Variants in APBB1IP observed in about 807,000 individuals in gnomAD.
APBB1IP encodes the protein amyloid beta precursor protein binding family B member 1 interacting protein, also known as amyloid beta A4 precursor protein-binding family B member 1-interacting protein.
A neutral mutation model predicts 64.9 loss-of-function variants in APBB1IP; 27 were observed. That is an observed-to-expected ratio of 0.42 (90% CI 0.31 to 0.57). APBB1IP has a LOEUF of 0.57. Ranked by LOEUF, APBB1IP falls within the 20% of genes least tolerant of loss-of-function variation. The probability of loss-of-function intolerance (pLI) is 0.20; values close to 1 mark genes in which losing one functional copy is unlikely to be tolerated. For synonymous variants in APBB1IP, 392 were observed against 331.0 expected (o/e 1.18, Z -2.00); for missense variants, 812 against 845.5 (o/e 0.96, Z 0.49).
At chr10:26,466,125 T>G (rs1889686) in intron 2 of APBB1IP, among the ~76,000 whole-genome samples, 104,341 of 152,032 alleles carry the variant, frequency 0.69, 36,329 homozygotes, top group East Asian at 0.94. Flanking sequence ...TCACTCTCTT[T>G]CCTGGTCCCT....
Position 26,496,322 on chromosome 10 carries a change from C to G in APBB1IP, c.91C>G (p.Leu31Val), listed in dbSNP as rs898416599. Residue 31 changes from leucine to valine, a missense_variant, in exon 4 of 15, where the codon CTC (leucine) becomes GTC (valine). Physicochemically the swap from Leu to Val is conservative, Grantham distance 32. This residue lies in a region of APBB1IP where 394 missense variants were observed against 413.1 expected (regional missense o/e 0.95). Coordinates refer to ENST00000376236, the MANE Select transcript of APBB1IP (RefSeq NM_019043.4). The stretch of plus-strand genomic sequence containing the variant: ...TTCACAGAGTTTAGGAGTTGACACT[C>G]TCCCTCCTCCTGACCCTAATCCACC... ...LLTQSLGVDT[L>V]PPPDPNPPRA... The G allele has an allele frequency of 6.2e-7, 1 of 1,612,418 alleles. No individual in the cohort carries two copies. The highest frequency in any genetic ancestry group is 1.3e-5 in the African/African-American group (1 of 74,836).
chr10:26,536,289 T>C lies in APBB1IP; in HGVS notation c.1044+72T>C, dbSNP rs73594366. 1,738 of 1,475,768 alleles carry C rather than the reference T, an allele frequency of 1.2e-3. 26 individuals carry two copies. The African/African-American group carries it at 0.023, about 19-fold the overall frequency. The allele number at this position is 1,475,768 out of a possible 1,614,324, so 91.4% of individuals were successfully genotyped here. A position where few individuals can be genotyped will look rare whatever the true frequency, so the allele number is the denominator to read the frequency against. ...AGAATGAAACTAAAGAAATCCTTAG[T>C]TGGCAAGTTAAATACATTCTCTGTT... On this transcript the variant is annotated intron_variant, in intron 10 of 14. Coordinates refer to ENST00000376236, the MANE Select transcript of APBB1IP (RefSeq NM_019043.4).
intron 5 of APBB1IP, among the ~76,000 whole-genome samples, chr10:26,502,263 G>C (rs2132438545): frequency 6.6e-6 from 1 of 152,322 alleles, no homozygotes; most frequent in Admixed American, 6.5e-5. Flanking sequence ...AGAGCTTTGG[G>C]CTCATAAAAT....
intron 2 of APBB1IP, among the ~76,000 whole-genome samples, chr10:26,475,423 C>G (rs541443363): frequency 6.6e-4 from 101 of 152,068 alleles, no homozygotes; most frequent in African/African-American, 2.4e-3. Context: ...GCCTGGCCTT[C>G]CCTTGCTTTT....
At chr10:26,565,810 A>G (rs1837035608) in intron 14 of APBB1IP, among the ~76,000 whole-genome samples, 1 of 152,146 alleles carries the variant, frequency 6.6e-6, no homozygotes, top group South Asian at 2.1e-4. Context: ...GGAAGAGGAG[A>G]GAGTTGGGGA....
chr10:26,482,253 G>A (rs1232912225), intron 2 of APBB1IP, among the ~76,000 whole-genome samples: 3 of 152,126 alleles, frequency 2.0e-5, no homozygotes, highest in Non-Finnish European at 2.9e-5. Context: ...GTTCTCTGTT[G>A]AGTGAATTAT....
intron 9 of APBB1IP, among the ~76,000 whole-genome samples, chr10:26,534,507 C>T (rs537126903): frequency 1.3e-5 from 2 of 152,014 alleles, no homozygotes; most frequent in African/African-American, 2.4e-5. Context: ...CTGGTGATGC[C>T]CTCGGCATCC....
In APBB1IP at chr10:26,560,160, C is replaced by T. The variant is rs775177132; in HGVS notation, c.1211C>T (p.Thr404Ile). ...QYIKYLCCDD[T>I]RTLNQWVMGI... ...ATCAAGTATCTCTGCTGTGATGACA[C>T]AAGAACCCTTAACCAGTGGGTCATG... The change falls in exon 12 of 15, where the codon ACA (threonine) becomes ATA (isoleucine). Residue 404 changes from threonine (T) to isoleucine (I), a missense_variant. Around this residue, in one of 3 missense-constraint regions of APBB1IP, gnomAD observed 37 missense variants for 80.4 expected, o/e 0.46. Transcript: ENST00000376236. 7.4e-5 allele frequency: 120 copies of T among 1,614,024 alleles called. No homozygotes were observed. The Middle Eastern group carries it at 1.3e-3, about 18-fold the overall frequency.
chr10:26,456,655 C>T (rs61838429), intron 2 of APBB1IP, among the ~76,000 whole-genome samples: 1 of 142,586 alleles, frequency 7.0e-6, no homozygotes, highest in Admixed American at 7.6e-5. Context: ...GGGAGGATGG[C>T]TTTTGTCCAG....
At chr10:26,532,432 G>A (rs1380139741) in intron 8 of APBB1IP, among the ~76,000 whole-genome samples, 1 of 152,012 alleles carries the variant, frequency 6.6e-6, no homozygotes, top group Non-Finnish European at 1.5e-5. Context: ...TACAAACCAT[G>A]CTTAGAGACC....
intron 2 of APBB1IP, among the ~76,000 whole-genome samples, chr10:26,444,331 C>T (rs11015112): frequency 0.031 from 4,693 of 152,146 alleles, 234 homozygotes; most frequent in African/African-American, 0.11. Flanking sequence ...GACTTTCACA[C>T]CGAGCAAAAT....
chr10:26,543,605 A>G (rs543233354), intron 11 of APBB1IP, among the ~76,000 whole-genome samples: 14 of 152,108 alleles, frequency 9.2e-5, no homozygotes, highest in Admixed American at 8.5e-4. Context: ...TGCGGCAATT[A>G]AAAAAATACA....
At chr10:26,525,633 G>A (rs1416579811) in intron 8 of APBB1IP, among the ~76,000 whole-genome samples, 4 of 152,172 alleles carry the variant, frequency 2.6e-5, no homozygotes, top group Admixed American at 2.0e-4. Context: ...TGCCTGTGTA[G>A]GGGAGAAAGA....
intron 2 of APBB1IP, among the ~76,000 whole-genome samples, chr10:26,476,084 AG>A (rs1835772205): frequency 6.8e-6 from 1 of 146,396 alleles, no homozygotes; most frequent in African/African-American, 2.5e-5. Context: ...TTTTTGAGAG[AG>A]TCTCCCTCTG....
chr10:26,454,812 G>A (rs752592922), intron 2 of APBB1IP, among the ~76,000 whole-genome samples: 8 of 152,108 alleles, frequency 5.3e-5, no homozygotes, highest in Admixed American at 3.9e-4. Flanking sequence ...CCTGTATCCC[G>A]TACATATATA....
At chr10:26,531,954 A>C (rs904945518) in intron 8 of APBB1IP, among the ~76,000 whole-genome samples, 8 of 152,182 alleles carry the variant, frequency 5.3e-5, no homozygotes, top group Admixed American at 2.6e-4. Flanking sequence ...TCTAAAGAAA[A>C]GCCAACGATA....
intron 2 of APBB1IP, among the ~76,000 whole-genome samples, chr10:26,480,783 G>GGC (rs1835825987): frequency 6.6e-6 from 1 of 151,648 alleles, no homozygotes; most frequent in Non-Finnish European, 1.5e-5. Flanking sequence ...TGGTAATCTT[G>GGC]GCACACAGTT....
chr10:26,487,959 C>T (rs1215779347), intron 2 of APBB1IP, among the ~76,000 whole-genome samples: 1 of 152,124 alleles, frequency 6.6e-6, no homozygotes, highest in Non-Finnish European at 1.5e-5. Flanking sequence ...AAATGGATTA[C>T]TCTCATAAAA....
At chr10:26,501,348 AT>A in intron 5 of APBB1IP, 2 of 562,412 alleles carry the variant, frequency 3.6e-6, no homozygotes, top group South Asian at 2.9e-5. Context: ...TGCTTAAAAA[AT>A]ATTTGTATGC....
Sources: gnomAD v4.1 joint callset for allele counts (sites outside exome capture counted in the v4.1 genomes callset) on GRCh38, gnomAD v4.1.1 for gene constraint, gnomAD v4.1.1 regional missense constraint, MANE v1.5 for transcripts, NCBI Gene and HGNC (gene_info 2026-07-23, HGNC 2026-07-21) for gene names.